Variants in LYRM4 observed in about 807,000 individuals in gnomAD.
LYRM4 encodes the protein LYR motif-containing protein 4.
A neutral mutation model predicts 11.7 loss-of-function variants in LYRM4; 9 were observed. The ratio of observed to expected loss-of-function variants is 0.77; its 90% confidence interval spans 0.46 to 1.34. LYRM4 has a LOEUF of 1.34. LYRM4 is among the 40% of genes most tolerant of loss of function. The probability of loss-of-function intolerance (pLI) is 0.00; values close to 1 mark genes in which losing one functional copy is unlikely to be tolerated. For synonymous variants in LYRM4, 42 were observed against 40.4 expected (o/e 1.04, Z -0.15); for missense variants, 133 against 112.5 (o/e 1.18, Z -0.82).
rs752145978 is a variant in LYRM4, at chr6:5,216,669, A to C, written c.156T>G (p.Ile52Met). The change falls in exon 2 of 3, where the codon ATT becomes ATG. Residue 52 changes from isoleucine (I) to methionine (M), a missense_variant. Transcript: ENST00000330636. Reference sequence around the variant, plus strand: ...TCTTGGCTTTATTCACTAGGGTTTGAATTTCTACAGGATCCTTTACATTTT... The same window carrying C: ...TCTTGGCTTTATTCACTAGGGTTTGCATTTCTACAGGATCCTTTACATTTT... ...ENKNVKDPVE[I>M]QTLVNKAKRD... 6.2e-7 allele frequency: 1 copy of C among 1,614,056 alleles called. No homozygotes were observed. Among genetic ancestry groups the C allele is most frequent in the South Asian group, 1.1e-5 (1 of 91,078 alleles).
chr6:5,207,722 C>T (rs377501689), intron 2 of LYRM4, among the ~76,000 whole-genome samples: 23 of 152,148 alleles, frequency 1.5e-4, no homozygotes, highest in Non-Finnish European at 2.6e-4. Flanking sequence ...TTCACATTTT[C>T]GGAGTGTAGT....
At chr6:5,199,491 G>T (rs1235816792) in intron 2 of LYRM4, among the ~76,000 whole-genome samples, 2 of 152,168 alleles carry the variant, frequency 1.3e-5, no homozygotes, top group Admixed American at 6.5e-5. Flanking sequence ...CCACTGACTT[G>T]TATACTTCAA....
chr6:5,140,448 C>T (rs1757342884), intron 2 of LYRM4, among the ~76,000 whole-genome samples: 1 of 152,104 alleles, frequency 6.6e-6, no homozygotes, highest in African/African-American at 2.4e-5. Flanking sequence ...AACATTTAAA[C>T]CTGTATAATG....
chr6:5,058,231 G>A, the LYRM4 span, among the ~76,000 whole-genome samples: 3 of 152,138 alleles, frequency 2.0e-5, no homozygotes, highest in South Asian at 6.2e-4. Flanking sequence ...TGAAACCATG[G>A]GAGCCACTGC....
the LYRM4 span, among the ~76,000 whole-genome samples, chr6:5,048,075 A>G: frequency 6.6e-6 from 1 of 152,204 alleles, no homozygotes; most frequent in Non-Finnish European, 1.5e-5. Context: ...AATCTCTCTT[A>G]GCCTCAATGT....
intron 2 of LYRM4, among the ~76,000 whole-genome samples, chr6:5,189,100 C>T (rs1393380156): frequency 6.6e-6 from 1 of 152,150 alleles, no homozygotes; most frequent in Non-Finnish European, 1.5e-5. Context: ...TAATAGGACC[C>T]CTTGTCTTGC....
At chr6:5,046,916 C>A in the LYRM4 span, among the ~76,000 whole-genome samples, 1 of 152,056 alleles carries the variant, frequency 6.6e-6, no homozygotes. Context: ...ATGGTGAAAC[C>A]CCGTCTCTAC....
the LYRM4 span, chr6:5,066,869 C>T: frequency 4.2e-6 from 4 of 957,578 alleles, no homozygotes; most frequent in African/African-American, 1.6e-5. Context: ...GGCGGTTCCT[C>T]GCCGGCAAGT....
chr6:5,229,534 A>G (rs567434915), intron 1 of LYRM4, among the ~76,000 whole-genome samples: 21 of 152,312 alleles, frequency 1.4e-4, no homozygotes, highest in African/African-American at 5.1e-4. Flanking sequence ...CTTCCTCCAC[A>G]GTTAGAAAAT....
At chr6:5,046,899 G>A in the LYRM4 span, among the ~76,000 whole-genome samples, 9 of 152,122 alleles carry the variant, frequency 5.9e-5, no homozygotes, top group Non-Finnish European at 1.0e-4. Context: ...AGACCAGCCC[G>A]GGCAACATGG....
the LYRM4 span, among the ~76,000 whole-genome samples, chr6:5,090,734 G>A: frequency 2.0e-5 from 3 of 152,306 alleles, no homozygotes; most frequent in East Asian, 3.9e-4. This position sits in a 1 kb window ranked among gnomAD's most constrained non-coding sequence, Gnocchi z 4.8. Flanking sequence ...CAAGGAGGCC[G>A]CCCACAGCCT....
At chr6:5,178,633 G>C (rs1207498241) in intron 2 of LYRM4, among the ~76,000 whole-genome samples, 1 of 150,920 alleles carries the variant, frequency 6.6e-6, no homozygotes, top group African/African-American at 2.4e-5. Flanking sequence ...GACCAACATG[G>C]TGAAACCCTG....
chr6:5,219,214 A>G lies in LYRM4; in HGVS notation c.87-2476T>C, dbSNP rs115289267. On this transcript the variant is annotated intron_variant, in intron 1 of 2. Transcript: ENST00000330636. Reference sequence around the variant, plus strand: ...GAATGTAAAGACCTAAGGTCTTCCAAAGTTTAAGGAAATGAGAAAATAGCT... The same window carrying G: ...GAATGTAAAGACCTAAGGTCTTCCAGAGTTTAAGGAAATGAGAAAATAGCT... 4.1e-3 allele frequency among the ~76,000 whole-genome samples: 623 copies of G among 152,318 alleles called. 7 individuals carry two copies. The highest frequency in any genetic ancestry group is 0.014 in the African/African-American group (572 of 41,572).
chr6:5,052,507 T>G, the LYRM4 span, among the ~76,000 whole-genome samples: 1 of 152,230 alleles, frequency 6.6e-6, no homozygotes, highest in East Asian at 1.9e-4. Flanking sequence ...TTGCCCAGGC[T>G]GTTCTCAAAC....
At chr6:5,122,769 C>A (rs1763517367) in intron 2 of LYRM4, among the ~76,000 whole-genome samples, 1 of 152,212 alleles carries the variant, frequency 6.6e-6, no homozygotes, top group South Asian at 2.1e-4. Flanking sequence ...TGGTGAATAC[C>A]AACAGAGACA....
rs549486518 is a variant in LYRM4, at chr6:5,135,957, C to T, written c.208-26466G>A. ...CCTTGGCAACCGCAATTCTACTTTC[C>T]GTCTGTAGGGGGACTCTAGGGACCG... On this transcript the variant is annotated intron_variant, in intron 2 of 2. Coordinates refer to ENST00000330636, the MANE Select transcript of LYRM4 (RefSeq NM_020408.6). 2.3e-4 allele frequency among the ~76,000 whole-genome samples: 35 copies of T among 152,300 alleles called. No homozygotes were observed. In the South Asian group the frequency reaches 6.0e-3, roughly 26 times the overall value.
At chr6:5,252,967 T>C (rs896294625) in intron 1 of LYRM4, among the ~76,000 whole-genome samples, 3 of 152,216 alleles carry the variant, frequency 2.0e-5, no homozygotes, top group African/African-American at 7.2e-5. Context: ...CTATGACTTC[T>C]GGTCAAAAGC....
the LYRM4 span, among the ~76,000 whole-genome samples, chr6:5,064,094 T>C: frequency 2.0e-5 from 3 of 152,184 alleles, no homozygotes; most frequent in African/African-American, 2.4e-5. Flanking sequence ...GTTTGGCTTT[T>C]GGGAGCCTGT....
chr6:5,235,290 G>C (rs1763476236), intron 1 of LYRM4, among the ~76,000 whole-genome samples: 1 of 151,728 alleles, frequency 6.6e-6, no homozygotes, highest in Non-Finnish European at 1.5e-5. Context: ...TTACAGGCAT[G>C]AGCCACTGCG....
Sources: allele counts gnomAD v4.1 joint callset (sites outside exome capture counted in the v4.1 genomes callset), GRCh38; gene constraint gnomAD v4.1.1; non-coding constraint Gnocchi (gnomAD v3.1); transcripts MANE v1.5; gene names NCBI Gene and HGNC (gene_info 2026-07-23, HGNC 2026-07-21).